SND1: variants seen among roughly 807,000 people sequenced by gnomAD.
The protein encoded by SND1 is staphylococcal nuclease domain-containing protein 1.
Under a neutral mutation model 121.7 loss-of-function variants are expected in SND1, and 38 were observed. The observed-to-expected ratio is 0.31, with a 90% CI of 0.24 to 0.41. SND1 has a LOEUF of 0.41. SND1 is among the 10% of genes least tolerant of loss of function. The probability of loss-of-function intolerance (pLI) is 1.00; values close to 1 mark genes in which losing one functional copy is unlikely to be tolerated. For missense variants in SND1, 868 were observed against 1,184.6 expected, an observed-to-expected ratio of 0.73 and a Z score of 3.92; for synonymous variants, 401 against 447.4, an observed-to-expected ratio of 0.90 and a Z score of 1.31.
intron 17 of SND1, among the ~76,000 whole-genome samples, chr7:128,076,790 G>A (rs1420413451): frequency 6.6e-6 from 1 of 152,216 alleles, no homozygotes; most frequent in Non-Finnish European, 1.5e-5. Flanking sequence ...GCTTTAGGGA[G>A]TGTGATTGTG....
intron 15 of SND1, among the ~76,000 whole-genome samples, chr7:127,954,094 A>G (rs1801535776): frequency 6.6e-6 from 1 of 152,184 alleles, no homozygotes; most frequent in Non-Finnish European, 1.5e-5. Flanking sequence ...CGGACTGGAC[A>G]GTGGATAGGG....
intron 16 of SND1, chr7:128,030,672 G>A (rs1371932471): frequency 6.6e-7 from 1 of 1,523,826 alleles, no homozygotes; most frequent in East Asian, 2.3e-5. Flanking sequence ...ACCATCGCCT[G>A]GGATTTTGGC....
intron 16 of SND1, among the ~76,000 whole-genome samples, chr7:128,031,352 C>A (rs1336994096): frequency 6.6e-6 from 1 of 151,772 alleles, no homozygotes; most frequent in African/African-American, 2.4e-5. Flanking sequence ...GGGGGCGCCC[C>A]GAAGCCGCCC....
intron 1 of SND1, among the ~76,000 whole-genome samples, chr7:127,657,586 G>A (rs1795233385): frequency 6.6e-6 from 1 of 152,012 alleles, no homozygotes; most frequent in Admixed American, 6.6e-5. Context: ...TTGAACTCCT[G>A]GGCTCAAGGG....
At chr7:127,905,185 G>T (rs758665342) in intron 14 of SND1, among the ~76,000 whole-genome samples, 5 of 152,108 alleles carry the variant, frequency 3.3e-5, no homozygotes, top group Admixed American at 3.3e-4. Flanking sequence ...GTAGCAAAAG[G>T]TCAAGTATAG....
chr7:127,704,914 C>A lies in SND1; in HGVS notation c.916C>A (p.Arg306=). Reference sequence around the variant, plus strand: ...GGACTGGTCGATTGCAGTTTACACCCGGGGCGCAGAAAAGCTGAGGGCGGC... The same window carrying A: ...GGACTGGTCGATTGCAGTTTACACCAGGGGCGCAGAAAAGCTGAGGGCGGC... ...CVDWSIAVYT[R]GAEKLRAAER... Residue 306 remains arginine (R), a synonymous_variant, in exon 8 of 24, where the codon CGG becomes AGG. Transcript: ENST00000354725. The A allele has an allele frequency of 6.2e-7, 1 of 1,614,000 alleles. No individual in the cohort carries two copies. The highest frequency in any genetic ancestry group is 1.1e-5 in the South Asian group (1 of 91,074).
intron 16 of SND1, among the ~76,000 whole-genome samples, chr7:128,023,803 CTG>C (rs1803413034): frequency 2.0e-5 from 3 of 152,148 alleles, no homozygotes; most frequent in South Asian, 4.1e-4. Context: ...TGTCAAATAA[CTG>C]TTATCTAGCA....
At position 127,701,441 on chromosome 7, in the gene SND1, G is replaced by A. The variant is rs1195823411; in HGVS notation, c.589+118G>A. The A allele has an allele frequency of 4.7e-6, 5 of 1,068,710 alleles. No homozygotes were observed. The African/African-American group carries it at 6.4e-5, about 14-fold the overall frequency. 66.2% of individuals were successfully genotyped at this position (1,068,710 alleles called of 1,614,324 possible). On this transcript the variant is annotated intron_variant, in intron 5 of 23. Coordinates refer to ENST00000354725, the MANE Select transcript of SND1 (RefSeq NM_014390.4). ...TTTCTTATACTTATTTAGTATCCAT[G>A]GGAAATCCTTAAGGTTAAAACAGCA... is the stretch of plus-strand genomic sequence containing the variant.
chr7:127,755,283 T>C (rs1311931707), intron 10 of SND1, among the ~76,000 whole-genome samples: 1 of 152,230 alleles, frequency 6.6e-6, no homozygotes, highest in Non-Finnish European at 1.5e-5. Flanking sequence ...GGCAGCTAAC[T>C]GCCCCTACCT....
chr7:127,849,446 A>G (rs967609687), intron 12 of SND1, among the ~76,000 whole-genome samples: 32 of 152,202 alleles, frequency 2.1e-4, no homozygotes, highest in Non-Finnish European at 2.2e-4. Flanking sequence ...AAATGTGTTC[A>G]CATTTAGAAA....
At chr7:127,939,901 G>A (rs536692930) in intron 15 of SND1, among the ~76,000 whole-genome samples, 34 of 152,258 alleles carry the variant, frequency 2.2e-4, no homozygotes, top group African/African-American at 4.3e-4. Flanking sequence ...ACTCTAAAGC[G>A]TTCTATTGTG....
Position 127,726,249 on chromosome 7 carries a change from T to A in SND1, c.1152+4849T>A, listed in dbSNP as rs144700340. 3.5e-3 allele frequency among the ~76,000 whole-genome samples: 531 copies of A among 152,256 alleles called. 2 individuals are homozygous for A. Among genetic ancestry groups the A allele is most frequent in the African/African-American group, 0.012 (486 of 41,536 alleles). On this transcript the variant is annotated intron_variant, in intron 10 of 23. Coordinates refer to ENST00000354725, the MANE Select transcript of SND1 (RefSeq NM_014390.4). ...TGGAGCTTGGTTTGTTCCTAGATAG[T>A]GTTATGCGAGAGTTAAAAGGAGGGA...
intron 16 of SND1, among the ~76,000 whole-genome samples, chr7:128,063,181 T>G (rs573482291): frequency 6.6e-6 from 1 of 152,272 alleles, no homozygotes; most frequent in Non-Finnish European, 1.5e-5. Flanking sequence ...CACCCCTTCC[T>G]TGCTGAGGGA....
intron 16 of SND1, among the ~76,000 whole-genome samples, chr7:128,011,211 A>G (rs186153460): frequency 1.5e-4 from 23 of 152,244 alleles, no homozygotes; most frequent in African/African-American, 5.3e-4. Context: ...GACAGTGTGT[A>G]CAGAAGCAAG....
At chr7:127,708,608 G>T (rs554379654) in intron 9 of SND1, among the ~76,000 whole-genome samples, 2 of 151,704 alleles carry the variant, frequency 1.3e-5, no homozygotes, top group Non-Finnish European at 2.9e-5. Context: ...CCACCGCCCC[G>T]AGAGTTTTCC....
At chr7:127,761,028 A>ATTGCTCTCCATATATACCTTAACTAGGAC (rs1284208254) in intron 10 of SND1, among the ~76,000 whole-genome samples, 1 of 152,234 alleles carries the variant, frequency 6.6e-6, no homozygotes, top group Non-Finnish European at 1.5e-5. Flanking sequence ...CAAGTGGTAT[A>ATTGCTCTCCATATATACCTTAACTAGGAC]TTGCTCTCCA....
At chr7:127,680,162 G>A (rs1054330314) in intron 1 of SND1, among the ~76,000 whole-genome samples, 6 of 152,192 alleles carry the variant, frequency 3.9e-5, no homozygotes, top group Non-Finnish European at 7.3e-5. Context: ...AGGGGAGGGA[G>A]TGTACAAATA....
chr7:127,746,450 T>G (rs1796984502), intron 10 of SND1, among the ~76,000 whole-genome samples: 1 of 152,082 alleles, frequency 6.6e-6, no homozygotes, highest in African/African-American at 2.4e-5. Context: ...ACTCCAGGGA[T>G]TATGATTTGA....
intron 12 of SND1, among the ~76,000 whole-genome samples, chr7:127,882,384 A>AAGGGAGGGAGGG (rs1326253900): frequency 9.2e-6 from 1 of 109,110 alleles, no homozygotes; most frequent in East Asian, 3.1e-4. Flanking sequence ...GGGAGGGAGG[A>AAGGGAGGGAGGG]AGGGAGGGAG....
Sources: gnomAD v4.1 joint callset for allele counts (sites outside exome capture counted in the v4.1 genomes callset) on GRCh38, gnomAD v4.1.1 for gene constraint, MANE v1.5 for transcripts, NCBI Gene and HGNC (gene_info 2026-07-23, HGNC 2026-07-21) for gene names.